Variants in SPATA22 observed in about 807,000 individuals in gnomAD.
The protein encoded by SPATA22 is spermatogenesis associated 22, also known as spermatogenesis-associated protein 22.
A neutral mutation model predicts 47.8 loss-of-function variants in SPATA22; 29 were observed. The ratio of observed to expected loss-of-function variants is 0.61; its 90% CI spans 0.45 to 0.83. The LOEUF (loss-of-function observed/expected upper bound fraction) is 0.83, where lower values mean the gene tolerates loss of function less well. SPATA22 is among the 40% of genes least tolerant of loss of function. SPATA22 has a pLI of 0.00. For missense variants in SPATA22, 410 were observed against 421.7 expected (o/e 0.97, Z 0.24); for synonymous variants, 133 against 140.9 (o/e 0.94, Z 0.40).
intron 1 of SPATA22, among the ~76,000 whole-genome samples, chr17:3,491,619 G>A (rs1290950297): frequency 1.3e-5 from 2 of 152,006 alleles, no homozygotes; most frequent in Non-Finnish European, 2.9e-5. Context: ...GTGGTGGCAT[G>A]CGCCTATAAT....
intron 6 of SPATA22, among the ~76,000 whole-genome samples, chr17:3,446,938 G>A (rs1409158663): frequency 6.6e-6 from 1 of 152,082 alleles, no homozygotes; most frequent in Non-Finnish European, 1.5e-5. Context: ...CACACTCTAG[G>A]GGACTCTAGG....
chr17:3,506,475 G>A (rs2074041210), intron 1 of SPATA22, among the ~76,000 whole-genome samples: 1 of 151,998 alleles, frequency 6.6e-6, no homozygotes, highest in Non-Finnish European at 1.5e-5. Flanking sequence ...TAATTAAGGG[G>A]AAAAAAATAC....
intron 5 of SPATA22, among the ~76,000 whole-genome samples, chr17:3,457,520 C>G (rs2073025391): frequency 6.6e-6 from 1 of 152,088 alleles, no homozygotes; most frequent in South Asian, 2.1e-4. Flanking sequence ...CTCTGAATAG[C>G]CAAAACAATC....
chr17:3,445,310 A>G (rs17175143), intron 7 of SPATA22, among the ~76,000 whole-genome samples: 4,232 of 152,254 alleles, frequency 0.028, 89 homozygotes, highest in Middle Eastern at 0.085. Context: ...GAGCTAAGTC[A>G]AGCTTCAACA....
chr17:3,467,644 A>C, intron 2 of SPATA22, 90 bp from the exon 3 acceptor site: 1 of 965,676 alleles, frequency 1.0e-6, no homozygotes, highest in Non-Finnish European at 1.4e-6. Context: ...CACACTTTAC[A>C]TTTATCTACT....
intron 1 of SPATA22, among the ~76,000 whole-genome samples, chr17:3,480,491 G>A (rs2073609039): frequency 6.6e-6 from 1 of 152,172 alleles, no homozygotes; most frequent in South Asian, 2.1e-4. Context: ...CACGAGACCA[G>A]ATAAGCCAGT....
Position 3,440,261 on chromosome 17 carries a change from G to T in SPATA22, c.978C>A (p.Phe326Leu). The change falls in exon 9 of 9, where the codon TTC becomes TTA. Residue 326 changes from phenylalanine to leucine, a missense_variant. Physicochemically the swap from Phe to Leu is conservative, Grantham distance 22. Transcript: ENST00000572969. ...VGNYDQKKNI[F>L]QCVSVRPASV... Reference sequence around the variant, plus strand: ...ACGCCGGTCTGACAGAAACACATTGGAAAATGTTCTTTTTCTGGTCATAGT... The same window carrying T: ...ACGCCGGTCTGACAGAAACACATTGTAAAATGTTCTTTTTCTGGTCATAGT... 1 of 1,610,948 alleles carries T rather than the reference G, an allele frequency of 6.2e-7. No individual in the cohort carries two copies. Among genetic ancestry groups the T allele is most frequent in the Non-Finnish European group, 8.5e-7 (1 of 1,178,266 alleles).
In SPATA22 at chr17:3,484,389, CAG is replaced by C. The variant is rs2073684304; in HGVS notation, c.-73-14993_-73-14992del. Among the ~76,000 whole-genome samples the C allele has an allele frequency of 5.9e-5, 9 of 152,218 alleles. No individual in the cohort carries two copies. In the South Asian group the frequency reaches 1.9e-3, roughly 32 times the overall value. On this transcript the variant is annotated intron_variant, in intron 1 of 8. Transcript: ENST00000541913. Reference sequence around the variant, plus strand: ...GACAGGTAACCAGGTAATCACTGCACAGAGTGATAAATGCTAAATAGGGGCAA... The same window carrying C: ...GACAGGTAACCAGGTAATCACTGCACAGTGATAAATGCTAAATAGGGGCAA...
At chr17:3,470,820 C>T (rs896203210) in intron 1 of SPATA22, among the ~76,000 whole-genome samples, 1 of 151,462 alleles carries the variant, frequency 6.6e-6, no homozygotes, top group African/African-American at 2.4e-5. Flanking sequence ...GTTTCCACAT[C>T]TTAGGCTTGA....
intron 1 of SPATA22, among the ~76,000 whole-genome samples, chr17:3,480,388 A>G (rs1054825819): frequency 3.3e-5 from 5 of 152,242 alleles, no homozygotes; most frequent in African/African-American, 1.2e-4. Flanking sequence ...GTAGGGGGCC[A>G]GTGAGTCGGG....
At chr17:3,444,115 A>G (rs985940743) in intron 7 of SPATA22, among the ~76,000 whole-genome samples, 2 of 152,048 alleles carry the variant, frequency 1.3e-5, no homozygotes, top group African/African-American at 4.8e-5. Flanking sequence ...GTTTATCTCA[A>G]GAAACTATTA....
intron 1 of SPATA22, among the ~76,000 whole-genome samples, chr17:3,509,479 T>C (rs1463483351): frequency 6.6e-6 from 1 of 152,210 alleles, no homozygotes; most frequent in African/African-American, 2.4e-5. Flanking sequence ...TCCATGTTCC[T>C]ACAAAAGACA....
At chr17:3,458,602 G>T (rs1395235097) in intron 5 of SPATA22, among the ~76,000 whole-genome samples, 1 of 152,042 alleles carries the variant, frequency 6.6e-6, no homozygotes, top group African/African-American at 2.4e-5. Flanking sequence ...CAGCACTTTG[G>T]GAGGCTGAGG....
Position 3,462,767 on chromosome 17 carries a change from T to C in SPATA22, c.173A>G (p.Asp58Gly). 6.2e-7 allele frequency: 1 copy of C among 1,607,872 alleles called. No homozygotes were observed. The highest frequency in any genetic ancestry group is 8.5e-7 in the Non-Finnish European group (1 of 1,174,362). ...TGGATTCACAGCTTCCCAGGCCCAA[T>C]CTCAAAAGATATAAGTAACATAGAT... is the stretch of plus-strand genomic sequence containing the variant. The part of the protein sequence containing the change: ...DNYDFPPLPT[D>G]WAWEAVNPEL... The change falls in exon 4 of 9, where the codon GAT becomes GGT. Residue 58 changes from aspartate to glycine, a missense_variant and splice_region_variant. Asp to Gly is a moderately conservative substitution (Grantham distance 94). Coordinates refer to ENST00000572969, the MANE Select transcript of SPATA22 (RefSeq NM_001170698.2).
intron 3 of SPATA22, among the ~76,000 whole-genome samples, chr17:3,465,572 T>C (rs1019954061): frequency 1.3e-5 from 2 of 151,502 alleles, no homozygotes; most frequent in Non-Finnish European, 2.9e-5. Flanking sequence ...AAACAGATGC[T>C]TGAAGGCAGC....
upstream of SPATA22, chr17:3,475,629 G>C (rs1326224499): frequency 1.2e-5 from 2 of 162,646 alleles, no homozygotes; most frequent in Non-Finnish European, 2.7e-5. Context: ...TGTTTATAGA[G>C]GTGAGATTCA....
chr17:3,494,058 C>T (rs952724666), intron 1 of SPATA22, among the ~76,000 whole-genome samples: 1 of 143,510 alleles, frequency 7.0e-6, no homozygotes, highest in East Asian at 2.0e-4. Flanking sequence ...TTTTTTGAGA[C>T]AGAGTTTCAC....
At chr17:3,455,144 G>GT (rs797011897) in intron 5 of SPATA22, among the ~76,000 whole-genome samples, 49,134 of 150,436 alleles carry the variant, frequency 0.33, 10,157 homozygotes, top group Non-Finnish European at 0.48. Context: ...TTTTGATGGG[G>GT]TTTTTTTTTC....
chr17:3,490,466 T>C lies in SPATA22; in HGVS notation c.-73-21068A>G, dbSNP rs559759720. ...CTGAGTTGAAATTGTTGTTGAGGAA[T>C]GGGCAATTATAATAACAGAGGGGGT... On this transcript the variant is annotated intron_variant, in intron 1 of 8. Coordinates refer to the SPATA22 transcript ENST00000541913. This position sits in a 1 kb window ranked among gnomAD's most constrained non-coding sequence, Gnocchi z 4.6. Among the ~76,000 whole-genome samples the C allele has an allele frequency of 7.2e-5, 11 of 152,194 alleles. No individual in the cohort carries two copies. Among genetic ancestry groups the C allele is most frequent in the South Asian group, 2.1e-4 (1 of 4,828 alleles).
Sources: allele counts gnomAD v4.1 joint callset (sites outside exome capture counted in the v4.1 genomes callset), GRCh38; gene constraint gnomAD v4.1.1; non-coding constraint Gnocchi (gnomAD v3.1); transcripts MANE v1.5; gene names NCBI Gene and HGNC (gene_info 2026-07-23, HGNC 2026-07-21).